The following CERS3 variants were observed in gnomAD, a reference collection of about 807,000 sequenced individuals.
The protein encoded by CERS3 is LAG1 homolog, ceramide synthase 3.
A neutral mutation model predicts 50.3 loss-of-function variants in CERS3; 33 were observed. That is an observed-to-expected ratio of 0.66 (90% confidence interval 0.50 to 0.88). The LOEUF is 0.88. Among genes scored for constraint, CERS3 ranks in the 40% least tolerant of loss-of-function variants. The pLI is 0.00. For synonymous variants in CERS3, 176 were observed against 155.2 expected, an observed-to-expected ratio of 1.13 and a Z score of -0.99; for missense variants, 470 against 460.3, an observed-to-expected ratio of 1.02 and a Z score of -0.19.
rs559003813 is a variant in CERS3 at position 100,406,095 on chromosome 15, G to A, written c.1000-3230C>T. On this transcript the variant is annotated intron_variant, in intron 11 of 11. Transcript: ENST00000679737. ...AAATCTAGAAAAATAACATTGCCCC[G>A]AGGAAAGGAGATGGAGGTGCTATAG... Among the ~76,000 whole-genome samples the A allele has an allele frequency of 7.2e-5, 11 of 152,276 alleles. No individual in the cohort carries two copies. In the East Asian group the frequency reaches 9.7e-4, roughly 13 times the overall value.
chr15:100,455,842 C>G lies in CERS3; in HGVS notation c.999+51G>C, dbSNP rs548520238. The G allele has an allele frequency of 7.0e-6, 9 of 1,286,926 alleles. No homozygotes were observed. The South Asian group carries it at 1.4e-4, about 20-fold the overall frequency. 79.7% of individuals were successfully genotyped at this position (1,286,926 alleles called of 1,614,324 possible). On this transcript the variant is annotated intron_variant, in intron 11 of 11. Transcript: ENST00000679737. ...TGAACATTCAACAGTCCGGGCCTCACCATTAACCTGGCAATGACATTAAGA... is the reference window on the plus strand; with the variant it reads ...TGAACATTCAACAGTCCGGGCCTCAGCATTAACCTGGCAATGACATTAAGA...
intron 2 of CERS3, among the ~76,000 whole-genome samples, chr15:100,521,231 T>G (rs1360113072): frequency 6.6e-6 from 1 of 152,088 alleles, no homozygotes; most frequent in Non-Finnish European, 1.5e-5. Context: ...CAAATGATGA[T>G]TTTTTATCAT....
rs767962553 is a variant in CERS3, at chr15:100,490,942, A to T, written c.174-11T>A. The T allele has an allele frequency of 6.5e-7, 1 of 1,527,942 alleles. No homozygotes were observed. 94.6% of individuals were successfully genotyped at this position (1,527,942 alleles called of 1,614,324 possible). On this transcript the variant is annotated splice_polypyrimidine_tract_variant and intron_variant, in intron 3 of 11. Transcript: ENST00000679737. ...GGTGAAGCAACAAATCTACAAAAAT[A>T]TGAAAAGAAAAAAAGTTCAAAATCT...
chr15:100,452,682 G>A (rs1448318038), intron 11 of CERS3, among the ~76,000 whole-genome samples: 1 of 151,724 alleles, frequency 6.6e-6, no homozygotes, highest in East Asian at 1.9e-4. Context: ...GAAAGAGACT[G>A]AAAATAATTA....
intron 11 of CERS3, among the ~76,000 whole-genome samples, chr15:100,444,686 A>G (rs932285148): frequency 6.6e-6 from 1 of 152,098 alleles, no homozygotes; most frequent in Non-Finnish European, 1.5e-5. Flanking sequence ...TTCCCTACAC[A>G]TCAAGCTCAG....
chr15:100,438,314 G>A (rs2033524284), intron 11 of CERS3, among the ~76,000 whole-genome samples: 1 of 152,020 alleles, frequency 6.6e-6, no homozygotes, highest in Non-Finnish European at 1.5e-5. Context: ...CAAAGTGCTA[G>A]GATTCCAGTC....
At chr15:100,428,236 C>T (rs77645469) in intron 11 of CERS3, among the ~76,000 whole-genome samples, 47 of 152,348 alleles carry the variant, frequency 3.1e-4, no homozygotes, top group Non-Finnish European at 4.1e-4. Context: ...ATTTTAAATG[C>T]CAATATTTCC....
chr15:100,400,844 A>G lies in CERS3; in HGVS notation c.*1869T>C, dbSNP rs560778851. 23 of 152,052 alleles carry G rather than the reference A, an allele frequency of 1.5e-4. No homozygotes were observed. The highest frequency in any genetic ancestry group is 2.5e-4 in the Non-Finnish European group (17 of 68,008). The allele number at this position is 152,052 out of a possible 1,614,324, so 9.4% of individuals were successfully genotyped here. ...AATATAATATTAATAATAAGTCAAT[A>G]GCTATACCCTAAAGTGGGTGCAGGC... On this transcript the variant is annotated 3_prime_UTR_variant, in exon 12 of 12. Transcript: ENST00000679737.
chr15:100,443,462 C>T (rs543150751), intron 11 of CERS3, among the ~76,000 whole-genome samples: 7 of 149,182 alleles, frequency 4.7e-5, no homozygotes, highest in African/African-American at 1.7e-4. Flanking sequence ...TTTGCCTATC[C>T]ACCCCATGGT....
intron 11 of CERS3, among the ~76,000 whole-genome samples, chr15:100,409,940 C>T (rs1001093060): frequency 3.3e-5 from 5 of 152,126 alleles, no homozygotes; most frequent in Non-Finnish European, 7.3e-5. Context: ...TTGCCCTGGC[C>T]GGAGCATACT....
intron 2 of CERS3, chr15:100,503,762 T>C (rs1166409957): frequency 4.3e-6 from 2 of 470,338 alleles, no homozygotes; most frequent in Non-Finnish European, 8.8e-6. Flanking sequence ...ATGGAGAAAC[T>C]AGAGGACAAT....
intron 11 of CERS3, among the ~76,000 whole-genome samples, chr15:100,429,738 T>A (rs1365719203): frequency 6.6e-6 from 1 of 152,152 alleles, no homozygotes; most frequent in East Asian, 1.9e-4. Flanking sequence ...ACGGAAAAGC[T>A]TCACCATCTG....
chr15:100,433,636 C>A (rs1645400217), intron 11 of CERS3, among the ~76,000 whole-genome samples: 1 of 152,168 alleles, frequency 6.6e-6, no homozygotes, highest in Admixed American at 6.5e-5. Context: ...TCCCTTTGCC[C>A]AGCCCAGCTA....
intron 11 of CERS3, among the ~76,000 whole-genome samples, chr15:100,423,827 C>T (rs1314463252): frequency 6.6e-6 from 1 of 152,182 alleles, no homozygotes; most frequent in Non-Finnish European, 1.5e-5. Context: ...TCACCTTCCA[C>T]CATGATTGAA....
chr15:100,499,066 C>T (rs564783108), intron 3 of CERS3, among the ~76,000 whole-genome samples: 4 of 152,302 alleles, frequency 2.6e-5, no homozygotes, highest in East Asian at 1.9e-4. Flanking sequence ...CTTTAAAGAA[C>T]GATGGACATA....
intron 11 of CERS3, among the ~76,000 whole-genome samples, chr15:100,445,751 C>T (rs2033907802): frequency 6.6e-6 from 1 of 152,144 alleles, no homozygotes; most frequent in Non-Finnish European, 1.5e-5. Context: ...CGTCCCAACA[C>T]TTTACCACTA....
intron 3 of CERS3, among the ~76,000 whole-genome samples, 177 bp from the exon 4 acceptor site, chr15:100,491,108 A>G (rs2035637912): frequency 6.6e-6 from 1 of 151,896 alleles, no homozygotes; most frequent in Admixed American, 6.6e-5. Context: ...CAGTCCATAC[A>G]AAAAAGCAAT....
At chr15:100,464,010 C>G (rs534751108) in intron 10 of CERS3, among the ~76,000 whole-genome samples, 50 of 152,290 alleles carry the variant, frequency 3.3e-4, no homozygotes, top group Admixed American at 2.4e-3. Context: ...ACTCTCCTTT[C>G]TCTATTAGCC....
chr15:100,519,335 G>A (rs956525127), intron 2 of CERS3, among the ~76,000 whole-genome samples: 1 of 152,082 alleles, frequency 6.6e-6, no homozygotes, highest in Admixed American at 6.6e-5. Flanking sequence ...AGCAGCTCTG[G>A]GTGCTGTGTG....
Sources: gnomAD v4.1 joint callset for allele counts (sites outside exome capture counted in the v4.1 genomes callset) on GRCh38, gnomAD v4.1.1 for gene constraint, MANE v1.5 for transcripts, NCBI Gene and HGNC (gene_info 2026-07-23, HGNC 2026-07-21) for gene names.